Variants in UGT1A6 observed in about 807,000 individuals in gnomAD.
UGT1A6 encodes UDP glucuronosyltransferase family 1 member A6.
UGT1A6 carries 32 observed loss-of-function variants against 44.4 expected under a neutral mutation model. That is an observed-to-expected ratio of 0.72 (90% CI 0.54 to 0.97). The LOEUF is 0.97. Among genes scored for constraint, UGT1A6 ranks in the 50% least tolerant of loss-of-function variants. The probability of loss-of-function intolerance (pLI) is 0.00; values close to 1 mark genes in which losing one functional copy is unlikely to be tolerated. For missense variants in UGT1A6, 685 were observed against 661.9 expected (o/e 1.03, Z -0.38); for synonymous variants, 238 against 248.5 (o/e 0.96, Z 0.40).
intron 1 of UGT1A6, among the ~76,000 whole-genome samples, chr2:233,704,362 C>T (rs2075783808): frequency 7.0e-6 from 1 of 143,344 alleles, no homozygotes; most frequent in African/African-American, 2.6e-5. Flanking sequence ...AGCGGTTGTT[C>T]TAGGGCTTAG....
Position 233,769,931 on chromosome 2 carries a change from C to A in UGT1A6, c.1301+1492C>A, listed in dbSNP as rs1699987343. 1 of 247,432 alleles carries A rather than the reference C, an allele frequency of 4.0e-6. No homozygotes were observed. Among genetic ancestry groups the A allele is most frequent in the Admixed American group, 5.3e-5 (1 of 18,974 alleles). The allele number at this position is 247,432 out of a possible 1,614,324, so 15.3% of individuals were successfully genotyped here. A position where few individuals can be genotyped will look rare whatever the true frequency, so the allele number is the denominator to read the frequency against. On this transcript the variant is annotated intron_variant, in intron 4 of 4. Transcript: ENST00000305139. The surrounding 1 kb of genome is among the most constrained non-coding windows in gnomAD (Gnocchi z 4.4). Reference sequence around the variant, plus strand: ...CCCAGAGCGTTGGGTGGTGTGGTCCCATTCCTTCCTTCCAGCGGCTTCTTC... The same window carrying A: ...CCCAGAGCGTTGGGTGGTGTGGTCCAATTCCTTCCTTCCAGCGGCTTCTTC...
chr2:233,728,370 T>C (rs2077707382), intron 1 of UGT1A6, among the ~76,000 whole-genome samples: 1 of 152,190 alleles, frequency 6.6e-6, no homozygotes. Flanking sequence ...GAACCCACCA[T>C]GGGTCTTTGC....
chr2:233,733,965 G>T (rs1401939828), intron 1 of UGT1A6, among the ~76,000 whole-genome samples: 1 of 152,058 alleles, frequency 6.6e-6, no homozygotes, highest in Non-Finnish European at 1.5e-5. Flanking sequence ...GTGGGGTAGG[G>T]GGAGCGGGGA....
rs112908387 is a variant in UGT1A6, at chr2:233,772,904, C to T, written c.*345C>T. On this transcript the variant is annotated 3_prime_UTR_variant, in exon 5 of 5. Transcript: ENST00000305139. ...GATTCAAAGGTGGTCCCACGGCTGCCCCTACTGCAAATGGCAGTTTTAATC... is the reference window on the plus strand; with the variant it reads ...GATTCAAAGGTGGTCCCACGGCTGCTCCTACTGCAAATGGCAGTTTTAATC... 5 of 414,970 alleles carry T rather than the reference C, an allele frequency of 1.2e-5. No individual in the cohort carries two copies. The highest frequency in any genetic ancestry group is 6.1e-5 in the African/African-American group (3 of 48,900). 25.7% of individuals were successfully genotyped at this position (414,970 alleles called of 1,614,324 possible).
Position 233,739,281 on chromosome 2 carries a change from G to C in UGT1A6, c.862-27753G>C, listed in dbSNP as rs576910081. Among the ~76,000 whole-genome samples the C allele has an allele frequency of 5.3e-5, 8 of 152,344 alleles. 1 individual carries two copies. The South Asian group carries it at 1.7e-3, about 32-fold the overall frequency. On this transcript the variant is annotated intron_variant, in intron 1 of 4. Transcript: ENST00000305139. ...AATGTGAGGTTGGAGCCCCCACACA[G>C]AGTCTCCACTGGGGCACTGCCTAGT...
chr2:233,758,656 C>T (rs35815287), intron 1 of UGT1A6, among the ~76,000 whole-genome samples: 1 of 152,054 alleles, frequency 6.6e-6, no homozygotes, highest in East Asian at 1.9e-4. Context: ...GAGAGGGTAC[C>T]CTAATTACCT....
chr2:233,699,626 T>C (rs2075516082), intron 1 of UGT1A6, among the ~76,000 whole-genome samples: 1 of 152,224 alleles, frequency 6.6e-6, no homozygotes, highest in African/African-American at 2.4e-5. Context: ...GAATGCAAGC[T>C]CAGGCCTAGA....
intron 1 of UGT1A6, among the ~76,000 whole-genome samples, chr2:233,702,826 A>G (rs1459451929): frequency 1.3e-5 from 2 of 152,202 alleles, no homozygotes; most frequent in African/African-American, 4.8e-5. Context: ...ATTGTGTTGT[A>G]TAATCCTTTT....
At chr2:233,736,981 G>C (rs1363558721) in intron 1 of UGT1A6, among the ~76,000 whole-genome samples, 4 of 152,198 alleles carry the variant, frequency 2.6e-5, no homozygotes, top group Non-Finnish European at 5.9e-5. Flanking sequence ...TCCCAGTCAA[G>C]ATACACAGAG....
At chr2:233,730,965 G>A (rs1412935935) in intron 1 of UGT1A6, among the ~76,000 whole-genome samples, 2 of 152,130 alleles carry the variant, frequency 1.3e-5, no homozygotes, top group African/African-American at 2.4e-5. Flanking sequence ...ATGGTACTCT[G>A]GGACCTGAAT....
At chr2:233,762,023 TA>T (rs1176936322) in intron 1 of UGT1A6, among the ~76,000 whole-genome samples, 2 of 152,334 alleles carry the variant, frequency 1.3e-5, no homozygotes, top group Non-Finnish European at 2.9e-5. Flanking sequence ...ATTTGTATTT[TA>T]TTTTTTTTAA....
intron 1 of UGT1A6, chr2:233,760,361 C>T: frequency 6.2e-7 from 1 of 1,614,110 alleles, no homozygotes; most frequent in Non-Finnish European, 8.5e-7. Flanking sequence ...CCAGTGGTGT[C>T]CCATGCTGGG....
At chr2:233,705,226 CT>C (rs1230917250) in intron 1 of UGT1A6, among the ~76,000 whole-genome samples, 3 of 151,792 alleles carry the variant, frequency 2.0e-5, no homozygotes, top group Non-Finnish European at 4.4e-5. Context: ...ATTATCAGTG[CT>C]TTTTTTCTGT....
chr2:233,745,758 T>G (rs1376334947), intron 1 of UGT1A6, among the ~76,000 whole-genome samples: 23 of 128,998 alleles, frequency 1.8e-4, no homozygotes, highest in East Asian at 4.6e-4. Context: ...GCAGAAGGGG[T>G]GGAGAGGAGG....
At position 233,759,527 on chromosome 2, in the gene UGT1A6, C is replaced by T. The variant is rs146278701; in HGVS notation, c.862-7507C>T. Among the ~76,000 whole-genome samples the T allele has an allele frequency of 6.8e-3, 1,028 of 152,228 alleles. 8 individuals are homozygous for T. Among genetic ancestry groups the T allele is most frequent in the Non-Finnish European group, 8.6e-3 (582 of 68,014 alleles). On this transcript the variant is annotated intron_variant, in intron 1 of 4. Coordinates refer to ENST00000305139, the MANE Select transcript of UGT1A6 (RefSeq NM_001072.4). Reference sequence around the variant, plus strand: ...AATAAAGGCCTGTCCTTGGGGAAGACTTCTGTTCACATGCGCTCCAGTGAA... The same window carrying T: ...AATAAAGGCCTGTCCTTGGGGAAGATTTCTGTTCACATGCGCTCCAGTGAA...
chr2:233,729,554 C>G, intron 1 of UGT1A6: 1 of 1,614,178 alleles, frequency 6.2e-7, no homozygotes, highest in Non-Finnish European at 8.5e-7. Flanking sequence ...CACCTGAATG[C>G]TACTTCCTTT....
chr2:233,747,491 G>A, intron 1 of UGT1A6: 2 of 1,608,968 alleles, frequency 1.2e-6, no homozygotes, highest in South Asian at 2.2e-5. Flanking sequence ...ATCGCCTTGT[G>A]CTGGGCCACA....
At chr2:233,730,719 C>T (rs141253229) in intron 1 of UGT1A6, among the ~76,000 whole-genome samples, 4 of 152,168 alleles carry the variant, frequency 2.6e-5, no homozygotes, top group Non-Finnish European at 4.4e-5. Flanking sequence ...CTGAAATTAT[C>T]AAGAAATGGC....
chr2:233,729,226 G>C (rs1226081470), intron 1 of UGT1A6: 2 of 1,614,168 alleles, frequency 1.2e-6, no homozygotes, highest in Admixed American at 3.3e-5. Flanking sequence ...GGTGTTGGTG[G>C]TGCCCATTGA....
Sources: gnomAD v4.1 joint callset for allele counts (sites outside exome capture counted in the v4.1 genomes callset) on GRCh38, gnomAD v4.1.1 for gene constraint, Gnocchi (gnomAD v3.1) non-coding constraint, MANE v1.5 for transcripts, NCBI Gene and HGNC (gene_info 2026-07-23, HGNC 2026-07-21) for gene names.